Variants in TMEM135 observed in about 807,000 individuals in gnomAD.
The protein encoded by TMEM135 is transmembrane protein 135.
A neutral mutation model predicts 60.3 loss-of-function variants in TMEM135; 30 were observed. That is an observed-to-expected ratio of 0.50 (90% CI 0.37 to 0.68). TMEM135 has a LOEUF of 0.68. Ranked by LOEUF, TMEM135 falls within the 30% of genes least tolerant of loss-of-function variation. TMEM135 has a pLI of 0.00. For synonymous variants in TMEM135, 190 were observed against 186.7 expected (o/e 1.02, Z -0.14); for missense variants, 468 against 548.8 (o/e 0.85, Z 1.47).
intron 1 of TMEM135, among the ~76,000 whole-genome samples, chr11:87,053,328 T>G (rs1295999719): frequency 6.6e-6 from 1 of 152,102 alleles, no homozygotes; most frequent in African/African-American, 2.4e-5. Context: ...TTTTATTGAT[T>G]ATGAAAAGAT....
intron 5 of TMEM135, among the ~76,000 whole-genome samples, chr11:87,199,607 C>A (rs1468255202): frequency 6.6e-6 from 1 of 152,066 alleles, no homozygotes; most frequent in Non-Finnish European, 1.5e-5. Flanking sequence ...TAGAGTAGGT[C>A]TGAGTAAAGG....
intron 12 of TMEM135, among the ~76,000 whole-genome samples, chr11:87,316,103 A>G (rs921069023): frequency 3.9e-5 from 6 of 152,010 alleles, no homozygotes; most frequent in African/African-American, 1.4e-4. Context: ...ATTTGCTCCC[A>G]GGCTAGTTAC....
At chr11:87,257,188 C>G (rs1941543220) in intron 6 of TMEM135, among the ~76,000 whole-genome samples, 1 of 152,134 alleles carries the variant, frequency 6.6e-6, no homozygotes, top group Admixed American at 6.5e-5. Flanking sequence ...AGCATTATTA[C>G]TAATCACAGA....
intron 4 of TMEM135, among the ~76,000 whole-genome samples, chr11:87,125,247 C>A (rs1937691357): frequency 6.6e-6 from 1 of 152,086 alleles, no homozygotes; most frequent in Non-Finnish European, 1.5e-5. Context: ...TCTTTGTAGA[C>A]CTTACATAAT....
intron 6 of TMEM135, among the ~76,000 whole-genome samples, chr11:87,289,702 C>T (rs1026165005): frequency 6.6e-6 from 1 of 152,046 alleles, no homozygotes; most frequent in East Asian, 1.9e-4. Context: ...GTAATCCGCC[C>T]GCCTTGGCTT....
chr11:87,296,057 G>A (rs1159786892), intron 7 of TMEM135, among the ~76,000 whole-genome samples: 1 of 152,116 alleles, frequency 6.6e-6, no homozygotes, highest in Non-Finnish European at 1.5e-5. Context: ...GCTTTCTACT[G>A]TGGGGTATTT....
chr11:87,148,544 C>G (rs1938473902), intron 4 of TMEM135, among the ~76,000 whole-genome samples: 1 of 152,104 alleles, frequency 6.6e-6, no homozygotes, highest in Admixed American at 6.5e-5. Context: ...GTACTTTGAT[C>G]TGGTTTTGAG....
intron 5 of TMEM135, among the ~76,000 whole-genome samples, chr11:87,181,527 C>T (rs1467478704): frequency 3.3e-5 from 5 of 151,960 alleles, no homozygotes; most frequent in Non-Finnish European, 7.4e-5. Flanking sequence ...TGACATTCTG[C>T]AAAAGCAAAA....
At chr11:87,211,223 C>T (rs530754797) in intron 5 of TMEM135, among the ~76,000 whole-genome samples, 67 of 152,292 alleles carry the variant, frequency 4.4e-4, no homozygotes, top group African/African-American at 1.5e-3. Context: ...GAATAACACA[C>T]TACATCTTAG....
intron 6 of TMEM135, among the ~76,000 whole-genome samples, chr11:87,239,074 A>T (rs191971823): frequency 3.3e-5 from 5 of 152,130 alleles, no homozygotes; most frequent in Admixed American, 3.3e-4. Context: ...CCATCAACCC[A>T]GTATTTTTGG....
intron 6 of TMEM135, among the ~76,000 whole-genome samples, chr11:87,254,920 G>A (rs1368585868): frequency 1.3e-5 from 2 of 152,078 alleles, no homozygotes; most frequent in East Asian, 3.9e-4. Flanking sequence ...CAGGAGGATT[G>A]TTTGAGCCCA....
At chr11:87,223,902 C>A (rs1331653635) in intron 5 of TMEM135, among the ~76,000 whole-genome samples, 1 of 152,018 alleles carries the variant, frequency 6.6e-6, no homozygotes, top group Non-Finnish European at 1.5e-5. Flanking sequence ...AGTTCAGGAC[C>A]TTTTCTGACT....
rs1250044866 is a variant in TMEM135, at chr11:87,328,055, A to C, written c.*6722A>C. On this transcript the variant is annotated 3_prime_UTR_variant, in exon 15 of 15. Coordinates refer to ENST00000305494, the MANE Select transcript of TMEM135 (RefSeq NM_022918.4). ...AAATAATGCCTTACCAGTTCTCTAGATATTCCTTAATCCAGTCAAGTTGAT... is the reference window on the plus strand; with the variant it reads ...AAATAATGCCTTACCAGTTCTCTAGCTATTCCTTAATCCAGTCAAGTTGAT... 2.2e-6 allele frequency: 1 copy of C among 453,940 alleles called. No individual in the cohort carries two copies. The highest frequency in any genetic ancestry group is 4.4e-6 in the Non-Finnish European group (1 of 226,784). The allele number at this position is 453,940 out of a possible 1,614,324, so 28.1% of individuals were successfully genotyped here. A position where few individuals can be genotyped will look rare whatever the true frequency, so the allele number is the denominator to read the frequency against.
intron 6 of TMEM135, among the ~76,000 whole-genome samples, chr11:87,288,202 C>A (rs1435103827): frequency 6.6e-6 from 1 of 152,094 alleles, no homozygotes; most frequent in Non-Finnish European, 1.5e-5. Flanking sequence ...AATATTTTAG[C>A]ACCAATGCTA....
At chr11:87,264,670 GTTCC>G (rs1941717039) in intron 6 of TMEM135, among the ~76,000 whole-genome samples, 1 of 151,832 alleles carries the variant, frequency 6.6e-6, no homozygotes, top group Non-Finnish European at 1.5e-5. Context: ...CTACAATGTA[GTTCC>G]AGCCTTAAGC....
intron 5 of TMEM135, among the ~76,000 whole-genome samples, chr11:87,176,125 G>T (rs1939360073): frequency 6.6e-6 from 1 of 152,086 alleles, no homozygotes. Context: ...CACCAGTGTT[G>T]GAGGTGGGGC....
intron 5 of TMEM135, chr11:87,178,613 A>G: frequency 2.4e-6 from 1 of 414,942 alleles, no homozygotes; most frequent in Non-Finnish European, 4.8e-6. Context: ...TTTAGTAGAG[A>G]CGGGATTTCA....
At chr11:87,279,133 T>G (rs575513792) in intron 6 of TMEM135, among the ~76,000 whole-genome samples, 1 of 152,232 alleles carries the variant, frequency 6.6e-6, no homozygotes, top group Non-Finnish European at 1.5e-5. Flanking sequence ...CAGGTCATTT[T>G]TTTTTCATTT....
intron 5 of TMEM135, among the ~76,000 whole-genome samples, chr11:87,222,038 G>C (rs952414989): frequency 6.6e-6 from 1 of 151,582 alleles, no homozygotes; most frequent in Non-Finnish European, 1.5e-5. Flanking sequence ...AAAAAAATTA[G>C]CCAGGCGGTG....
Sources: gnomAD v4.1 joint callset for allele counts (sites outside exome capture counted in the v4.1 genomes callset) on GRCh38, gnomAD v4.1.1 for gene constraint, MANE v1.5 for transcripts, NCBI Gene and HGNC (gene_info 2026-07-23, HGNC 2026-07-21) for gene names.